The following SCD5 variants were observed in gnomAD, a reference collection of about 807,000 sequenced individuals.
The protein encoded by SCD5 is stearoyl-CoA desaturase 5, also known as acyl-CoA-desaturase 4.
In SCD5, 20 loss-of-function variants were observed where a neutral mutation model predicts 30.4. The ratio of observed to expected loss-of-function variants is 0.66; its 90% CI spans 0.46 to 0.96. SCD5 has a LOEUF of 0.96. SCD5 is among the 40% of genes least tolerant of loss of function. The probability of loss-of-function intolerance (pLI) is 0.00; values close to 1 mark genes in which losing one functional copy is unlikely to be tolerated. For synonymous variants in SCD5, 173 were observed against 176.4 expected (o/e 0.98, Z 0.16); for missense variants, 381 against 443.3 (o/e 0.86, Z 1.26).
chr4:82,640,251 C>T (rs765058072), intron 3 of SCD5, among the ~76,000 whole-genome samples: 5 of 152,230 alleles, frequency 3.3e-5, no homozygotes, highest in African/African-American at 4.8e-5. Context: ...AGAAGCTCTA[C>T]CCTGCCAAGT....
At chr4:82,763,789 A>G (rs1159530601) in intron 1 of SCD5, among the ~76,000 whole-genome samples, 3 of 152,196 alleles carry the variant, frequency 2.0e-5, no homozygotes, top group Non-Finnish European at 4.4e-5. Context: ...TATTTAACCC[A>G]TCTAGTCTGT....
intron 1 of SCD5, among the ~76,000 whole-genome samples, chr4:82,761,122 A>G (rs1721354867): frequency 6.6e-6 from 1 of 152,212 alleles, no homozygotes; most frequent in Admixed American, 6.5e-5. Flanking sequence ...CATCAAATGA[A>G]TCAATTACAG....
chr4:82,766,162 C>T (rs1721480431), intron 1 of SCD5, among the ~76,000 whole-genome samples: 1 of 152,074 alleles, frequency 6.6e-6, no homozygotes, highest in Non-Finnish European at 1.5e-5. Context: ...AATATTTTAG[C>T]CAGTGTTTCT....
At chr4:82,634,963 A>C (rs768922787) in intron 4 of SCD5, among the ~76,000 whole-genome samples, 4 of 152,226 alleles carry the variant, frequency 2.6e-5, no homozygotes, top group Non-Finnish European at 4.4e-5. Flanking sequence ...TCCACCTTCT[A>C]TTGCTGCCAT....
intron 1 of SCD5, among the ~76,000 whole-genome samples, chr4:82,735,204 G>C (rs1720724628): frequency 1.3e-5 from 2 of 152,198 alleles, no homozygotes; most frequent in South Asian, 4.1e-4. Flanking sequence ...TGTGCGGTTT[G>C]CAAGTTCTCC....
At chr4:82,673,199 G>A (rs769459363) in intron 3 of SCD5, among the ~76,000 whole-genome samples, 19 of 151,998 alleles carry the variant, frequency 1.3e-4, no homozygotes, top group Non-Finnish European at 2.5e-4. Context: ...AAGATATATC[G>A]ATTGGGAAGG....
chr4:82,792,428 A>C (rs1002086769), intron 1 of SCD5, among the ~76,000 whole-genome samples: 1 of 151,136 alleles, frequency 6.6e-6, no homozygotes, highest in Non-Finnish European at 1.5e-5. Flanking sequence ...CATATGCCCT[A>C]TCCAGGCACC....
intron 1 of SCD5, among the ~76,000 whole-genome samples, chr4:82,788,373 A>G (rs904254480): frequency 6.6e-6 from 1 of 152,086 alleles, no homozygotes; most frequent in African/African-American, 2.4e-5. Context: ...GACGCATGAC[A>G]CAATCCTACA....
chr4:82,796,990 A>C (rs1054026118), intron 1 of SCD5, among the ~76,000 whole-genome samples: 1 of 152,210 alleles, frequency 6.6e-6, no homozygotes, highest in Non-Finnish European at 1.5e-5. Flanking sequence ...GGATCCCCAA[A>C]GATCCTACCT....
chr4:82,648,797 T>A (rs1029369448), intron 3 of SCD5, among the ~76,000 whole-genome samples: 1 of 152,156 alleles, frequency 6.6e-6, no homozygotes, highest in African/African-American at 2.4e-5. Context: ...CTATTCAATT[T>A]GTGTGTAAAT....
At chr4:82,653,676 T>TGATTGATAGATAGATAGATA (rs1553914400) in intron 3 of SCD5, among the ~76,000 whole-genome samples, 1 of 136,556 alleles carries the variant, frequency 7.3e-6, no homozygotes, top group Admixed American at 7.5e-5. Context: ...TGAAAGTCAA[T>TGATTGATAGATAGATAGATA]GATAGATAGA....
At chr4:82,703,127 T>C (rs979299141) in intron 2 of SCD5, among the ~76,000 whole-genome samples, 8 of 152,258 alleles carry the variant, frequency 5.3e-5, no homozygotes, top group African/African-American at 1.9e-4. Context: ...TTATTCTCAC[T>C]GTGCCTTCTC....
At chr4:82,712,277 TATATATATATATATA>T (rs1560540795) in intron 1 of SCD5, among the ~76,000 whole-genome samples, 3 of 48,962 alleles carry the variant, frequency 6.1e-5, no homozygotes, top group African/African-American at 3.4e-4. Context: ...TATATATATA[TATATATATATATATA>T]TATATTTTAT....
intron 2 of SCD5, among the ~76,000 whole-genome samples, chr4:82,703,272 A>G (rs1578029023): frequency 1.3e-5 from 2 of 152,342 alleles, no homozygotes; most frequent in East Asian, 3.9e-4. Flanking sequence ...AAAGCTGTTC[A>G]TTTATTTTTT....
intron 2 of SCD5, among the ~76,000 whole-genome samples, chr4:82,696,360 A>T (rs1041217926): frequency 2.0e-5 from 3 of 152,238 alleles, no homozygotes; most frequent in African/African-American, 7.2e-5. Context: ...GAATTGGAAC[A>T]GGATGATTGA....
At chr4:82,645,475 A>G (rs1408213337) in intron 3 of SCD5, among the ~76,000 whole-genome samples, 1 of 152,222 alleles carries the variant, frequency 6.6e-6, no homozygotes, top group Non-Finnish European at 1.5e-5. Flanking sequence ...AACTCACTTT[A>G]CAGGTTATTT....
chr4:82,712,241 A>AACATATATATATATAT (rs1355776416), intron 1 of SCD5, among the ~76,000 whole-genome samples: 6 of 53,318 alleles, frequency 1.1e-4, no homozygotes, highest in East Asian at 5.5e-4. Flanking sequence ...GGGACCAACT[A>AACATATATATATATAT]ACATATATAT....
intron 3 of SCD5, among the ~76,000 whole-genome samples, chr4:82,637,848 T>C (rs1727465536): frequency 1.3e-5 from 2 of 152,128 alleles, no homozygotes. Flanking sequence ...TCTTTTTTTT[T>C]CTTTCTTCTA....
In SCD5 at chr4:82,676,538, T is replaced by C. The variant is rs145937021; in HGVS notation, c.569+4169A>G. 4.1e-3 allele frequency among the ~76,000 whole-genome samples: 626 copies of C among 152,356 alleles called. 8 individuals are homozygous for C. Among genetic ancestry groups the C allele is most frequent in the African/African-American group, 0.014 (597 of 41,584 alleles). On this transcript the variant is annotated intron_variant, in intron 3 of 4. Coordinates refer to ENST00000319540, the MANE Select transcript of SCD5 (RefSeq NM_001037582.3). ...TGTGCTAACACTGCCCCTTGGCCAC[T>C]CTTCAGGCCTAGGCTCTATGTATTT... is the stretch of plus-strand genomic sequence containing the variant.
Sources: gnomAD v4.1 joint callset for allele counts (sites outside exome capture counted in the v4.1 genomes callset) on GRCh38, gnomAD v4.1.1 for gene constraint, MANE v1.5 for transcripts, NCBI Gene and HGNC (gene_info 2026-07-23, HGNC 2026-07-21) for gene names.